Variants in WNT9A observed in about 807,000 individuals in gnomAD.
The protein encoded by WNT9A is Wnt family member 9A, also known as protein Wnt-9a.
WNT9A carries 8 observed loss-of-function variants against 31.4 expected under a neutral mutation model. The observed-to-expected ratio is 0.26, with a 90% CI of 0.15 to 0.46. The LOEUF is 0.46. WNT9A is among the 20% of genes least tolerant of loss of function. WNT9A has a pLI of 0.99. For synonymous variants in WNT9A, 236 were observed against 220.1 expected, an observed-to-expected ratio of 1.07 and a Z score of -0.64; for missense variants, 457 against 522.9, an observed-to-expected ratio of 0.87 and a Z score of 1.23.
Position 227,921,405 on chromosome 1 carries a change from C to T in WNT9A, c.*113G>A. ...ATTCACACTGTGTGCAATGCCTGTA[C>T]CCCACGCAGCTGGGCTGGTCGAGCC... On this transcript the variant is annotated 3_prime_UTR_variant, in exon 4 of 4. Coordinates refer to ENST00000272164, the MANE Select transcript of WNT9A (RefSeq NM_003395.4). 4.0e-6 allele frequency: 6 copies of T among 1,487,782 alleles called. No individual in the cohort carries two copies. Among genetic ancestry groups the T allele is most frequent in the Non-Finnish European group, 5.4e-6 (6 of 1,107,108 alleles). The allele number at this position is 1,487,782 out of a possible 1,614,324, so 92.2% of individuals were successfully genotyped here. A position where few individuals can be genotyped will look rare whatever the true frequency, so the allele number is the denominator to read the frequency against.
At chr1:227,933,943 G>A (rs1426956898) in intron 1 of WNT9A, among the ~76,000 whole-genome samples, 1 of 152,210 alleles carries the variant, frequency 6.6e-6, no homozygotes, top group East Asian at 1.9e-4. Flanking sequence ...GAATCACGCA[G>A]CATTGACCTT....
chr1:227,921,243 G>T lies in WNT9A; in HGVS notation c.*275C>A. ...TGCAGCAGGGCTGACTGGGCCCAGG[G>T]ATTCAGCCTTGGCAGGTGTAGGCCC... On this transcript the variant is annotated 3_prime_UTR_variant, in exon 4 of 4. Coordinates refer to ENST00000272164, the MANE Select transcript of WNT9A (RefSeq NM_003395.4). 2.3e-6 allele frequency: 1 copy of T among 437,514 alleles called. No individual in the cohort carries two copies. The highest frequency in any genetic ancestry group is 4.1e-6 in the Non-Finnish European group (1 of 244,912). The allele number at this position is 437,514 out of a possible 1,614,324, so 27.1% of individuals were successfully genotyped here. A position where few individuals can be genotyped will look rare whatever the true frequency, so the allele number is the denominator to read the frequency against.
intron 1 of WNT9A, among the ~76,000 whole-genome samples, chr1:227,935,696 T>C (rs551375006): frequency 2.0e-5 from 3 of 152,360 alleles, no homozygotes; most frequent in East Asian, 1.9e-4. Context: ...CTGTTGACCA[T>C]GCCTGTCCTG....
intron 1 of WNT9A, among the ~76,000 whole-genome samples, chr1:227,945,705 G>A (rs1307517277): frequency 2.0e-5 from 3 of 150,458 alleles, no homozygotes; most frequent in Admixed American, 6.6e-5. Flanking sequence ...CTCCAGCCCC[G>A]CCTGGCCTTT....
rs369612947 is a variant in WNT9A at position 227,944,666 on chromosome 1, G to A, written c.95+3127C>T. Among the ~76,000 whole-genome samples the A allele has an allele frequency of 3.9e-5, 6 of 152,268 alleles. No homozygotes were observed. The South Asian group carries it at 6.2e-4, about 16-fold the overall frequency. On this transcript the variant is annotated intron_variant, in intron 1 of 3. Coordinates refer to ENST00000272164, the MANE Select transcript of WNT9A (RefSeq NM_003395.4). ...GGCTGGCTCTGGGGCCACAGCCGGG[G>A]GCACCTCAACAATCCCTCAGTGCCA...
intron 1 of WNT9A, among the ~76,000 whole-genome samples, chr1:227,927,893 A>G (rs999388211): frequency 4.1e-5 from 6 of 146,124 alleles, no homozygotes; most frequent in African/African-American, 1.5e-4. Flanking sequence ...GGGGAGAGGG[A>G]GGGCACTAAG....
chr1:227,943,409 G>GCAGC (rs1290618740), intron 1 of WNT9A, among the ~76,000 whole-genome samples: 1 of 152,156 alleles, frequency 6.6e-6, no homozygotes, highest in African/African-American at 2.4e-5. Flanking sequence ...AGAAAGACAA[G>GCAGC]CAGCCCCACT....
At chr1:227,934,839 A>C (rs1380000539) in intron 1 of WNT9A, among the ~76,000 whole-genome samples, 2 of 151,624 alleles carry the variant, frequency 1.3e-5, no homozygotes, top group African/African-American at 4.8e-5. Context: ...ACAGAGCCTG[A>C]GTCATAGCCT....
At chr1:227,923,001 T>C (rs1666350202) in intron 3 of WNT9A, among the ~76,000 whole-genome samples, 3 of 152,298 alleles carry the variant, frequency 2.0e-5, no homozygotes, top group East Asian at 1.9e-4. Flanking sequence ...AGCACCTTCA[T>C]GTTCCGACTT....
At chr1:227,923,882 G>A (rs1423292952) in intron 3 of WNT9A, among the ~76,000 whole-genome samples, 2 of 152,150 alleles carry the variant, frequency 1.3e-5, no homozygotes, top group Admixed American at 1.3e-4. Context: ...GGCAGACATG[G>A]GGTACCCCTC....
At chr1:227,922,024 G>A in intron 3 of WNT9A, 24 bp from the exon 4 acceptor site, 1 of 1,581,414 alleles carries the variant, frequency 6.3e-7, no homozygotes, top group Non-Finnish European at 8.6e-7. Context: ...GCGGGAGGGA[G>A]GGCAGTGTGA....
chr1:227,942,819 C>T lies in WNT9A; in HGVS notation c.95+4974G>A, dbSNP rs1392413792. Among the ~76,000 whole-genome samples, 1 of 152,228 alleles carries T rather than the reference C, an allele frequency of 6.6e-6. No homozygotes were observed. The highest frequency in any genetic ancestry group is 1.5e-5 in the Non-Finnish European group (1 of 68,034). On this transcript the variant is annotated intron_variant, in intron 1 of 3. Transcript: ENST00000272164. The surrounding 1 kb of genome is among the most constrained non-coding windows in gnomAD (Gnocchi z 5.7). ...CTGAGCTCTCAGCTGCTCCCAAACC[C>T]CCCGGCCCACAGTGCTCAGAGCACC...
rs147603303 is a variant in WNT9A at position 227,942,469 on chromosome 1, G to A, written c.95+5324C>T. Among the ~76,000 whole-genome samples the A allele has an allele frequency of 9.2e-5, 14 of 152,222 alleles. No homozygotes were observed. The highest frequency in any genetic ancestry group is 2.6e-4 in the Admixed American group (4 of 15,300). ...GCACCTGGGTCCCTCTACTGGCCAC[G>A]GGGTCCCAGTCCAGGAGTCCTGGAG... is the stretch of plus-strand genomic sequence containing the variant. On this transcript the variant is annotated intron_variant, in intron 1 of 3. Transcript: ENST00000272164. This position sits in a 1 kb window ranked among gnomAD's most constrained non-coding sequence, Gnocchi z 5.7.
At chr1:227,922,865 G>C (rs1282550396) in intron 3 of WNT9A, among the ~76,000 whole-genome samples, 1 of 151,896 alleles carries the variant, frequency 6.6e-6, no homozygotes, top group Non-Finnish European at 1.5e-5. Context: ...GCCGGCTCAA[G>C]GAGGATTAAG....
chr1:227,921,419 G>A lies in WNT9A; in HGVS notation c.*99C>T, dbSNP rs1388990490. ...CAATGCCTGTACCCCACGCAGCTGG[G>A]CTGGTCGAGCCCAGGAACTCAGCCT... On this transcript the variant is annotated 3_prime_UTR_variant, in exon 4 of 4. Transcript: ENST00000272164. 8 of 1,518,622 alleles carry A rather than the reference G, an allele frequency of 5.3e-6. No individual in the cohort carries two copies. In the Admixed American group the frequency reaches 1.6e-4, roughly 30 times the overall value. 94.1% of individuals were successfully genotyped at this position (1,518,622 alleles called of 1,614,324 possible).
chr1:227,929,197 T>C (rs1666469680), intron 1 of WNT9A, among the ~76,000 whole-genome samples: 1 of 151,758 alleles, frequency 6.6e-6, no homozygotes, highest in Non-Finnish European at 1.5e-5. Flanking sequence ...CCAGAGACCG[T>C]GACGGGAGGG....
intron 1 of WNT9A, chr1:227,941,752 G>C (rs1434654987): frequency 6.6e-6 from 1 of 152,520 alleles, no homozygotes; most frequent in East Asian, 2.0e-4. Flanking sequence ...TGGCCTTCTG[G>C]GTTCTGGGGG....
At chr1:227,934,087 C>T (rs189810585) in intron 1 of WNT9A, among the ~76,000 whole-genome samples, 10 of 152,336 alleles carry the variant, frequency 6.6e-5, no homozygotes, top group African/African-American at 2.2e-4. Context: ...CTCATCCATT[C>T]ATGTGCTGAG....
chr1:227,924,054 G>GCC lies in WNT9A; in HGVS notation c.615+82_615+83dup. On this transcript the variant is annotated intron_variant, in intron 3 of 3. Coordinates refer to ENST00000272164, the MANE Select transcript of WNT9A (RefSeq NM_003395.4). Reference sequence around the variant, plus strand: ...TGCCTGCCTGCCCTGCTGCAGCCCCGCCCCCAGTCCCACGCCCCACCCCCA... The same window carrying GCC: ...TGCCTGCCTGCCCTGCTGCAGCCCCGCCCCCCCAGTCCCACGCCCCACCCCCA... The GCC allele has an allele frequency of 3.9e-4, 58 of 147,340 alleles. 4 individuals are homozygous for GCC. The highest frequency in any genetic ancestry group is 1.1e-3 in the East Asian group (6 of 5,260). 9.1% of individuals were successfully genotyped at this position (147,340 alleles called of 1,614,324 possible). A position where few individuals can be genotyped will look rare whatever the true frequency, so the allele number is the denominator to read the frequency against.
Sources: gnomAD v4.1 joint callset for allele counts (sites outside exome capture counted in the v4.1 genomes callset) on GRCh38, gnomAD v4.1.1 for gene constraint, Gnocchi (gnomAD v3.1) non-coding constraint, MANE v1.5 for transcripts, NCBI Gene and HGNC (gene_info 2026-07-23, HGNC 2026-07-21) for gene names.